Variants in ROR1 observed in about 807,000 individuals in gnomAD.
ROR1 encodes the protein inactive tyrosine-protein kinase transmembrane receptor ROR1.
Under a neutral mutation model 78.8 loss-of-function variants are expected in ROR1, and 19 were observed. That is an observed-to-expected ratio of 0.24 (90% CI 0.17 to 0.35). The LOEUF is 0.35. ROR1 is among the 10% of genes least tolerant of loss of function. ROR1 has a pLI of 1.00. For synonymous variants in ROR1, 386 were observed against 433.6 expected (o/e 0.89, Z 1.36); for missense variants, 917 against 1,177.8 (o/e 0.78, Z 3.24).
intron 8 of ROR1, among the ~76,000 whole-genome samples, chr1:64,165,664 A>C (rs1309018579): frequency 7.7e-6 from 1 of 129,528 alleles, no homozygotes; most frequent in East Asian, 2.2e-4. Context: ...GGTATTGCCT[A>C]TGTTGTCTTC....
intron 1 of ROR1, among the ~76,000 whole-genome samples, chr1:63,940,717 G>A (rs1459224237): frequency 6.6e-6 from 1 of 152,160 alleles, no homozygotes; most frequent in East Asian, 1.9e-4. Context: ...GGGTTGATAA[G>A]GAACAGGATA....
intron 4 of ROR1, among the ~76,000 whole-genome samples, chr1:64,136,786 A>G (rs1379586784): frequency 6.6e-6 from 1 of 152,112 alleles, no homozygotes; most frequent in Admixed American, 6.6e-5. Context: ...CCTTGGATTT[A>G]GTGACTCAAT....
At chr1:63,852,651 C>A (rs1276022460) in intron 1 of ROR1, among the ~76,000 whole-genome samples, 1 of 152,198 alleles carries the variant, frequency 6.6e-6, no homozygotes, top group East Asian at 1.9e-4. Context: ...CTAATGCAAA[C>A]CAGTTCCTTT....
chr1:63,881,055 T>C (rs1645318629), intron 1 of ROR1, among the ~76,000 whole-genome samples: 1 of 152,108 alleles, frequency 6.6e-6, no homozygotes, highest in Non-Finnish European at 1.5e-5. Context: ...TAAAATACCC[T>C]GTCCATAGGC....
chr1:64,179,028 A>G lies in ROR1; in HGVS notation c.*173A>G. ...AGCAGGACAGACACTCGGCCAGAAAAAAAAAAAAAAAAAAAAAACAAGCAA... is the reference window on the plus strand; with the variant it reads ...AGCAGGACAGACACTCGGCCAGAAAGAAAAAAAAAAAAAAAAAACAAGCAA... On this transcript the variant is annotated 3_prime_UTR_variant, in exon 9 of 9. Coordinates refer to ENST00000371079, the MANE Select transcript of ROR1 (RefSeq NM_005012.4). 4.6e-6 allele frequency: 2 copies of G among 433,362 alleles called. No homozygotes were observed. The highest frequency in any genetic ancestry group is 4.1e-6 in the Non-Finnish European group (1 of 244,582). 26.8% of individuals were successfully genotyped at this position (433,362 alleles called of 1,614,324 possible). A position where few individuals can be genotyped will look rare whatever the true frequency, so the allele number is the denominator to read the frequency against.
chr1:64,056,669 C>CT (rs1486902562), intron 4 of ROR1, among the ~76,000 whole-genome samples: 2 of 144,552 alleles, frequency 1.4e-5, no homozygotes, highest in Non-Finnish European at 3.0e-5. Context: ...GAGCAAGACT[C>CT]TATCTCCAAA....
intron 1 of ROR1, among the ~76,000 whole-genome samples, chr1:63,955,450 CT>C (rs1213723750): frequency 6.6e-6 from 1 of 151,994 alleles, no homozygotes; most frequent in Non-Finnish European, 1.5e-5. Context: ...ATTCTTTGCC[CT>C]TTGGACTTAT....
chr1:63,923,137 C>T (rs1310428044), intron 1 of ROR1, among the ~76,000 whole-genome samples: 3 of 152,162 alleles, frequency 2.0e-5, no homozygotes, highest in Admixed American at 1.3e-4. Context: ...CGTGTGACAC[C>T]TGCCCTTGGG....
chr1:64,138,813 T>A lies in ROR1; in HGVS notation c.611-1296T>A, dbSNP rs546328069. Among the ~76,000 whole-genome samples the A allele has an allele frequency of 3.3e-5, 5 of 152,228 alleles. No homozygotes were observed. The South Asian group carries it at 1.0e-3, about 32-fold the overall frequency. On this transcript the variant is annotated intron_variant, in intron 5 of 8. Transcript: ENST00000371079. The stretch of plus-strand genomic sequence containing the variant: ...AGGGAGGAGCTGTTAAACACCCATT[T>A]CAACCTAATGTAAGAATGCCTTAAT...
intron 1 of ROR1, among the ~76,000 whole-genome samples, chr1:63,957,162 A>G (rs1279007100): frequency 1.3e-5 from 2 of 152,190 alleles, no homozygotes; most frequent in African/African-American, 2.4e-5. Flanking sequence ...AACATCTCCT[A>G]TCACCATCGG....
Position 63,958,372 on chromosome 1 carries a change from C to T in ROR1, c.92-50933C>T, listed in dbSNP as rs79292006. ...AATCCTTTGCTTAACAATTTGACAACGAGAACATAGGATTATGGTTTCGGG... is the reference window on the plus strand; with the variant it reads ...AATCCTTTGCTTAACAATTTGACAATGAGAACATAGGATTATGGTTTCGGG... On this transcript the variant is annotated intron_variant, in intron 1 of 8. Coordinates refer to ENST00000371079, the MANE Select transcript of ROR1 (RefSeq NM_005012.4). Among the ~76,000 whole-genome samples, 891 of 152,148 alleles carry T rather than the reference C, an allele frequency of 5.9e-3. 7 individuals are homozygous for T. The highest frequency in any genetic ancestry group is 0.02 in the African/African-American group (844 of 41,498).
rs75185748 is a variant in ROR1, at chr1:63,902,542, C to G, written c.92-106763C>G. Among the ~76,000 whole-genome samples the G allele has an allele frequency of 6.6e-5, 10 of 152,098 alleles. No homozygotes were observed. The East Asian group carries it at 1.9e-3, about 29-fold the overall frequency. On this transcript the variant is annotated intron_variant, in intron 1 of 8. Transcript: ENST00000371079. The stretch of plus-strand genomic sequence containing the variant: ...GACCCACCAGGATTCCCAGGCTGGT[C>G]TCGAACTCCTGGCTCCAGCAGTCCT...
chr1:64,166,550 C>T (rs1443131544), intron 8 of ROR1, among the ~76,000 whole-genome samples: 2 of 152,120 alleles, frequency 1.3e-5, no homozygotes, highest in African/African-American at 4.8e-5. Flanking sequence ...GTTTTGACTA[C>T]AGCTCTTTTA....
At chr1:63,986,051 T>C (rs1646248034) in intron 1 of ROR1, among the ~76,000 whole-genome samples, 1 of 152,104 alleles carries the variant, frequency 6.6e-6, no homozygotes, top group African/African-American at 2.4e-5. Flanking sequence ...TAGATAGACA[T>C]AGTCCTTGCT....
chr1:63,871,310 G>C (rs1364487840), intron 1 of ROR1, among the ~76,000 whole-genome samples: 1 of 152,162 alleles, frequency 6.6e-6, no homozygotes, highest in Non-Finnish European at 1.5e-5. Flanking sequence ...AATCCAGAAG[G>C]GGTCCTTTGT....
At chr1:63,938,042 C>T (rs1382530604) in intron 1 of ROR1, among the ~76,000 whole-genome samples, 1 of 152,094 alleles carries the variant, frequency 6.6e-6, no homozygotes, top group Non-Finnish European at 1.5e-5. Context: ...ATTTTACATC[C>T]TCAGGGAAGC....
At chr1:63,871,030 G>A (rs776264957) in intron 1 of ROR1, among the ~76,000 whole-genome samples, 12 of 152,148 alleles carry the variant, frequency 7.9e-5, no homozygotes, top group Admixed American at 1.3e-4. Context: ...GGTTGTGGTC[G>A]GTATTAAACT....
At position 63,775,355 on chromosome 1, in the gene ROR1, A is replaced by G. The variant is rs962821002; in HGVS notation, c.91+847A>G. ...GGGTCCTTGCTGCGTCTGAGCCGGTACACAATGAGAGGGAAGAGCCCGGCT... is the reference window on the plus strand; with the variant it reads ...GGGTCCTTGCTGCGTCTGAGCCGGTGCACAATGAGAGGGAAGAGCCCGGCT... On this transcript the variant is annotated intron_variant, in intron 1 of 8. Coordinates refer to ENST00000371079, the MANE Select transcript of ROR1 (RefSeq NM_005012.4). 33 of 152,346 alleles carry G rather than the reference A, an allele frequency of 2.2e-4. 2 individuals are homozygous for G. Among genetic ancestry groups the G allele is most frequent in the Admixed American group, 1.6e-3 (25 of 15,306 alleles). 9.4% of individuals were successfully genotyped at this position (152,346 alleles called of 1,614,324 possible). A position where few individuals can be genotyped will look rare whatever the true frequency, so the allele number is the denominator to read the frequency against.
At chr1:63,849,154 T>G (rs963460541) in intron 1 of ROR1, among the ~76,000 whole-genome samples, 1 of 152,212 alleles carries the variant, frequency 6.6e-6, no homozygotes, top group African/African-American at 2.4e-5. Context: ...CAATGTTTTT[T>G]AATTAATGAT....
Sources: allele counts gnomAD v4.1 joint callset (sites outside exome capture counted in the v4.1 genomes callset), GRCh38; gene constraint gnomAD v4.1.1; transcripts MANE v1.5; gene names NCBI Gene and HGNC (gene_info 2026-07-23, HGNC 2026-07-21).